Variants in CNTLN observed in about 807,000 individuals in gnomAD.
CNTLN encodes the protein centlein, centrosomal protein.
CNTLN carries 212 observed loss-of-function variants against 180.0 expected under a neutral mutation model. The observed-to-expected ratio is 1.18, with a 90% CI of 1.05 to 1.32. The LOEUF is 1.32. Ranked by LOEUF, CNTLN falls within the 40% of genes most tolerant of loss-of-function variation. The probability of loss-of-function intolerance (pLI) is 0.00; values close to 1 mark genes in which losing one functional copy is unlikely to be tolerated. For missense variants in CNTLN, 2,095 were observed against 1,610.9 expected, an observed-to-expected ratio of 1.30 and a Z score of -5.14; for synonymous variants, 722 against 563.1, an observed-to-expected ratio of 1.28 and a Z score of -3.99.
the CNTLN span, among the ~76,000 whole-genome samples, chr9:17,526,936 T>G: frequency 1.8e-4 from 27 of 152,218 alleles, no homozygotes; most frequent in African/African-American, 6.5e-4. Context: ...GGAGTTCTGT[T>G]GTGCAATCTC....
At chr9:17,308,220 T>C (rs1818867812) in intron 7 of CNTLN, among the ~76,000 whole-genome samples, 1 of 147,936 alleles carries the variant, frequency 6.8e-6, no homozygotes, top group South Asian at 2.2e-4. Context: ...TGTTATCTCA[T>C]AGTTTTAATA....
intron 5 of CNTLN, among the ~76,000 whole-genome samples, chr9:17,269,258 A>G (rs1587426955): frequency 1.3e-5 from 2 of 152,086 alleles, no homozygotes; most frequent in South Asian, 4.1e-4. Flanking sequence ...TTGTTATTTA[A>G]TTAACCACTA....
chr9:17,392,906 G>C (rs1826222679), intron 14 of CNTLN, among the ~76,000 whole-genome samples: 1 of 151,778 alleles, frequency 6.6e-6, no homozygotes, highest in Non-Finnish European at 1.5e-5. Context: ...TAGTAAACTG[G>C]AAAGTGTTAA....
At chr9:17,315,776 A>C (rs1221334112) in intron 8 of CNTLN, among the ~76,000 whole-genome samples, 1 of 152,036 alleles carries the variant, frequency 6.6e-6, no homozygotes, top group Non-Finnish European at 1.5e-5. Context: ...GAATTCTTGA[A>C]TAGAATATGT....
chr9:17,514,757 T>A, the CNTLN span, among the ~76,000 whole-genome samples: 1 of 152,250 alleles, frequency 6.6e-6, no homozygotes, highest in African/African-American at 2.4e-5. Flanking sequence ...TAATGCTTAC[T>A]GTGGCATGCC....
At chr9:17,187,734 A>C (rs1016645653) in intron 2 of CNTLN, among the ~76,000 whole-genome samples, 1 of 151,568 alleles carries the variant, frequency 6.6e-6, no homozygotes, top group Non-Finnish European at 1.5e-5. Context: ...TGATATTTAT[A>C]GAGTGTCATA....
chr9:17,368,417 G>A (rs1824014523), intron 13 of CNTLN, among the ~76,000 whole-genome samples: 1 of 152,134 alleles, frequency 6.6e-6, no homozygotes, highest in African/African-American at 2.4e-5. Flanking sequence ...GGGCTGGAGG[G>A]ATCCTGCTAC....
At chr9:17,342,169 C>G (rs1294274497) in intron 11 of CNTLN, among the ~76,000 whole-genome samples, 156 bp from the exon 12 acceptor site, 1 of 152,036 alleles carries the variant, frequency 6.6e-6, no homozygotes, top group Non-Finnish European at 1.5e-5. Context: ...GTTTTGATTT[C>G]TACATGCTTA....
At chr9:17,281,934 C>T (rs1470545498) in intron 6 of CNTLN, among the ~76,000 whole-genome samples, 1 of 151,742 alleles carries the variant, frequency 6.6e-6, no homozygotes, top group Non-Finnish European at 1.5e-5. Flanking sequence ...TGTTTCTCCA[C>T]AGCCTCGCCA....
At chr9:17,457,439 G>A (rs1831195484) in intron 18 of CNTLN, 85 bp from the exon 19 acceptor site, 3 of 739,090 alleles carry the variant, frequency 4.1e-6, no homozygotes, top group African/African-American at 1.9e-5. Flanking sequence ...TTTCCTAGCT[G>A]TAGAATTTTA....
At chr9:17,205,313 G>A (rs151030669) in intron 2 of CNTLN, among the ~76,000 whole-genome samples, 109 of 152,266 alleles carry the variant, frequency 7.2e-4, no homozygotes, top group Middle Eastern at 3.4e-3. Flanking sequence ...GATATAATAA[G>A]CAAATTAACA....
rs111472517 is a variant in CNTLN, at chr9:17,321,343, A to G, written c.1342-9289A>G. Among the ~76,000 whole-genome samples the G allele has an allele frequency of 4.5e-3, 688 of 152,248 alleles. 6 individuals are homozygous for G. Among genetic ancestry groups the G allele is most frequent in the African/African-American group, 0.015 (636 of 41,548 alleles). Reference sequence around the variant, plus strand: ...ACCTCTTTCTGCATTAGCAGATGTTAAACTTAATTGTTTTCCTTGTGTATC... The same window carrying G: ...ACCTCTTTCTGCATTAGCAGATGTTGAACTTAATTGTTTTCCTTGTGTATC... On this transcript the variant is annotated intron_variant, in intron 8 of 25. Transcript: ENST00000380647.
intron 15 of CNTLN, among the ~76,000 whole-genome samples, chr9:17,401,274 G>A (rs1463780546): frequency 1.3e-5 from 2 of 152,160 alleles, no homozygotes; most frequent in Non-Finnish European, 1.5e-5. Context: ...ATAGCAGACT[G>A]TGAAGAATAA....
At chr9:17,294,423 C>G (rs112992026) in intron 6 of CNTLN, among the ~76,000 whole-genome samples, 24,997 of 134,232 alleles carry the variant, frequency 0.19, 2,237 homozygotes, top group South Asian at 0.34. Context: ...AAAAGTTCTC[C>G]AAGTCCCACT....
the CNTLN span, among the ~76,000 whole-genome samples, chr9:17,522,591 C>G: frequency 1.3e-5 from 2 of 152,092 alleles, no homozygotes; most frequent in African/African-American, 4.8e-5. Context: ...ACAGTACAGC[C>G]TTGCCAATCC....
At chr9:17,366,856 A>G (rs964303040) in intron 13 of CNTLN, 139 bp downstream of exon 13, 1 of 538,416 alleles carries the variant, frequency 1.9e-6, no homozygotes, top group Non-Finnish European at 3.3e-6. Context: ...ACTCACTAAC[A>G]TTTTCATCCT....
intron 8 of CNTLN, among the ~76,000 whole-genome samples, chr9:17,326,554 G>T (rs1257456548): frequency 6.6e-6 from 1 of 152,032 alleles, no homozygotes; most frequent in South Asian, 2.1e-4. Flanking sequence ...GTATATGTTT[G>T]AGATTATTAA....
At chr9:17,307,748 A>T (rs1818818643) in intron 7 of CNTLN, among the ~76,000 whole-genome samples, 1 of 152,162 alleles carries the variant, frequency 6.6e-6, no homozygotes, top group African/African-American at 2.4e-5. Flanking sequence ...GTAAACATGC[A>T]TACAGAAATG....
rs1243878587 is a variant in CNTLN at position 17,415,952 on chromosome 9, T to C, written c.2891-14T>C. 5.0e-6 allele frequency: 8 copies of C among 1,594,280 alleles called. No individual in the cohort carries two copies. The highest frequency in any genetic ancestry group is 6.8e-6 in the Non-Finnish European group (8 of 1,169,220). On this transcript the variant is annotated splice_polypyrimidine_tract_variant and intron_variant, in intron 17 of 25. Transcript: ENST00000380647. ...TCTAATTTTTAAAATATGAACAATA[T>C]TGTTTTTATGTAGTCAACAGAGAAA... is the stretch of plus-strand genomic sequence containing the variant.
Sources: allele counts gnomAD v4.1 joint callset (sites outside exome capture counted in the v4.1 genomes callset), GRCh38; gene constraint gnomAD v4.1.1; transcripts MANE v1.5; gene names NCBI Gene and HGNC (gene_info 2026-07-23, HGNC 2026-07-21).